Variants in DROSHA observed in about 807,000 individuals in gnomAD.
DROSHA encodes drosha ribonuclease III.
DROSHA carries 56 observed loss-of-function variants against 181.9 expected under a neutral mutation model. The ratio of observed to expected loss-of-function variants is 0.31; its 90% CI spans 0.25 to 0.38. DROSHA has a LOEUF of 0.38. Among genes scored for constraint, DROSHA ranks in the 10% least tolerant of loss-of-function variants. The pLI is 1.00. For synonymous variants in DROSHA, 524 were observed against 591.2 expected (o/e 0.89, Z 1.65); for missense variants, 1,218 against 1,743.5 (o/e 0.70, Z 5.37).
chr5:31,450,965 G>A (rs988800996), intron 21 of DROSHA, among the ~76,000 whole-genome samples: 2 of 152,164 alleles, frequency 1.3e-5, no homozygotes, highest in East Asian at 1.9e-4. Context: ...ATTTTGGGAG[G>A]CCAAGGCAGG....
Position 31,515,097 on chromosome 5 carries a change from TCCTC to T in DROSHA, c.1177_1180del (p.Glu393ArgfsTer84). ...CTCCTCATTCTTGTCAGGCATGGTCTCCTCGGGCTCTTTTTCCTTGATTGAGGTA... is the reference window on the plus strand; with the variant it reads ...CTCCTCATTCTTGTCAGGCATGGTCTGGGCTCTTTTTCCTTGATTGAGGTA... On this transcript the variant is annotated frameshift_variant, in exon 8 of 36. Coordinates refer to ENST00000344624, the MANE Select transcript of DROSHA (RefSeq NM_001382508.1). LOFTEE classifies it high-confidence loss of function. 6.2e-7 allele frequency: 1 copy of T among 1,614,034 alleles called. No homozygotes were observed. The highest frequency in any genetic ancestry group is 8.5e-7 in the Non-Finnish European group (1 of 1,179,902).
At chr5:31,408,812 C>G in intron 33 of DROSHA, 1 of 393,130 alleles carries the variant, frequency 2.5e-6, no homozygotes, top group Non-Finnish European at 4.5e-6. Context: ...GGCAGTAGTT[C>G]ACAGAGATTT....
intron 35 of DROSHA, among the ~76,000 whole-genome samples, chr5:31,402,126 G>A (rs1490070468): frequency 6.6e-6 from 1 of 152,228 alleles, no homozygotes; most frequent in Non-Finnish European, 1.5e-5. Context: ...GCCCAAAGCT[G>A]TATTTGCAAA....
Position 31,515,388 on chromosome 5 carries a change from C to T in DROSHA, c.1058+66G>A, listed in dbSNP as rs1472802614. 3 of 1,024,532 alleles carry T rather than the reference C, an allele frequency of 2.9e-6. No individual in the cohort carries two copies. The African/African-American group carries it at 4.9e-5, about 17-fold the overall frequency. The allele number at this position is 1,024,532 out of a possible 1,614,324, so 63.5% of individuals were successfully genotyped here. A position where few individuals can be genotyped will look rare whatever the true frequency, so the allele number is the denominator to read the frequency against. ...CTCCCAAATACCAGTCTGGTGGCAT[C>T]AGAATCACCTGAAGTTTACTTGTTT... On this transcript the variant is annotated intron_variant, in intron 7 of 35. Coordinates refer to ENST00000344624, the MANE Select transcript of DROSHA (RefSeq NM_001382508.1).
chr5:31,487,429 T>C (rs1223515645), intron 13 of DROSHA, among the ~76,000 whole-genome samples: 2 of 152,200 alleles, frequency 1.3e-5, no homozygotes. Context: ...TGCCTACACA[T>C]AACAGGTTTT....
rs570409183 is a variant in DROSHA, at chr5:31,427,571, C to T, written c.3216+1904G>A. 7.2e-5 allele frequency among the ~76,000 whole-genome samples: 11 copies of T among 152,320 alleles called. No individual in the cohort carries two copies. In the South Asian group the frequency reaches 2.3e-3, roughly 32 times the overall value. On this transcript the variant is annotated intron_variant, in intron 27 of 35. Transcript: ENST00000344624. ...AAGGATCACCGCAGATACTTAATCG[C>T]CAAGCTGCCCTTGCCTTGGGACGGC...
rs55828936 is a variant in DROSHA, at chr5:31,480,178, G to GTATATATATATATATATATATATATA, written c.2071+3350_2071+3375dup. On this transcript the variant is annotated intron_variant, in intron 16 of 35. Transcript: ENST00000344624. ...GCCCGTTTTTCTATTGGCAATGTCA[G>GTATATATATATATATATATATATATA]TATATATATATATATATATATATAT... Among the ~76,000 whole-genome samples, 583 of 84,652 alleles carry GTATATATATATATATATATATATATA rather than the reference G, an allele frequency of 6.9e-3. 60 individuals carry two copies. The highest frequency in any genetic ancestry group is 0.012 in the Non-Finnish European group (402 of 34,010). 55.5% of individuals were successfully genotyped at this position (84,652 alleles called of 152,430 possible).
chr5:31,504,606 G>C lies in DROSHA; in HGVS notation c.1617C>G (p.Ser539Arg). ...QMNDGPLCKC[S>R]AKARRTGIRH... ...TAATTCCTGTGCGTCTTGCCTTTGC[G>C]CTGCATTTGCAGAGTGGTCCATCAT... Residue 539 changes from serine to arginine, a missense_variant, in exon 11 of 36, where the codon AGC (serine) becomes AGG (arginine). This residue lies in a region of DROSHA where 460 missense variants were observed against 774.2 expected (regional missense o/e 0.59). Coordinates refer to ENST00000344624, the MANE Select transcript of DROSHA (RefSeq NM_001382508.1). The C allele has an allele frequency of 6.2e-7, 1 of 1,613,866 alleles. No individual in the cohort carries two copies. Among genetic ancestry groups the C allele is most frequent in the Non-Finnish European group, 8.5e-7 (1 of 1,179,878 alleles).
At chr5:31,462,870 G>A (rs3805500) in intron 20 of DROSHA, among the ~76,000 whole-genome samples, 90,739 of 151,882 alleles carry the variant, frequency 0.6, 27,969 homozygotes, top group South Asian at 0.69. Flanking sequence ...AAAAACACAA[G>A]TTCAAAACTA....
intron 27 of DROSHA, 66 bp downstream of exon 27, chr5:31,429,409 C>G (rs1405229994): frequency 4.9e-6 from 7 of 1,427,128 alleles, no homozygotes; most frequent in African/African-American, 2.9e-5. Context: ...ATTACAAAGA[C>G]CAGCTGAAAT....
chr5:31,519,326 T>C (rs749366716), intron 6 of DROSHA, among the ~76,000 whole-genome samples: 16 of 152,124 alleles, frequency 1.1e-4, no homozygotes, highest in Non-Finnish European at 1.5e-4. Flanking sequence ...CCTCAGGCCC[T>C]CTTGTCATCT....
intron 5 of DROSHA, among the ~76,000 whole-genome samples, chr5:31,523,056 T>C (rs1477518182): frequency 2.0e-5 from 3 of 152,214 alleles, no homozygotes; most frequent in Admixed American, 6.5e-5. Flanking sequence ...AAACAGACTA[T>C]AGAATTTGCA....
intron 10 of DROSHA, among the ~76,000 whole-genome samples, chr5:31,506,362 C>CA (rs35198823): frequency 0.027 from 3,406 of 123,904 alleles, 165 homozygotes; most frequent in East Asian, 0.23. Context: ...GACCCCGTCT[C>CA]AAAAAAAAAA....
At chr5:31,410,921 C>T (rs1169569834) in intron 30 of DROSHA, 34 bp from the exon 31 acceptor site, 9 of 1,612,040 alleles carry the variant, frequency 5.6e-6, no homozygotes, top group East Asian at 2.2e-5. Flanking sequence ...ATTGAGAACA[C>T]ATTTCACTTT....
chr5:31,499,661 T>C (rs1024660000), intron 11 of DROSHA, among the ~76,000 whole-genome samples: 1 of 152,182 alleles, frequency 6.6e-6, no homozygotes, highest in Non-Finnish European at 1.5e-5. Context: ...TCCCCAAACC[T>C]TAGTCTGCCC....
chr5:31,530,776 T>C (rs534801472), intron 3 of DROSHA, 22 bp downstream of exon 3: 209 of 398,542 alleles, frequency 5.2e-4, no homozygotes, highest in African/African-American at 4.0e-3. Flanking sequence ...TAGTCTATAC[T>C]TAATCCTTTT....
chr5:31,440,212 C>G (rs1322087501), intron 23 of DROSHA, among the ~76,000 whole-genome samples: 2 of 152,174 alleles, frequency 1.3e-5, no homozygotes, highest in Non-Finnish European at 2.9e-5. Flanking sequence ...AGTACTGGAG[C>G]TGCCAGGGGT....
In DROSHA at chr5:31,446,273, T is replaced by A. The variant is rs4867065; in HGVS notation, c.2882+2274A>T. On this transcript the variant is annotated intron_variant, in intron 23 of 35. Coordinates refer to ENST00000344624, the MANE Select transcript of DROSHA (RefSeq NM_001382508.1). Reference sequence around the variant, plus strand: ...CACCCTGGTTAACACAGTGAGACCCTGTCTCTACTAAAAATACAAAAAAAT... The same window carrying A: ...CACCCTGGTTAACACAGTGAGACCCAGTCTCTACTAAAAATACAAAAAAAT... 6.0e-4 allele frequency among the ~76,000 whole-genome samples: 91 copies of A among 151,618 alleles called. No individual in the cohort carries two copies. In the East Asian group the frequency reaches 0.017, roughly 28 times the overall value.
chr5:31,483,957 A>G (rs1019697731), intron 15 of DROSHA, among the ~76,000 whole-genome samples: 4 of 152,146 alleles, frequency 2.6e-5, no homozygotes, highest in Non-Finnish European at 5.9e-5. Context: ...TGCATGATAT[A>G]ATGTGACTAT....
Sources: gnomAD v4.1 joint callset for allele counts (sites outside exome capture counted in the v4.1 genomes callset) on GRCh38, gnomAD v4.1.1 for gene constraint, gnomAD v4.1.1 regional missense constraint, MANE v1.5 for transcripts, NCBI Gene and HGNC (gene_info 2026-07-23, HGNC 2026-07-21) for gene names.